The following RAD51B variants were observed in gnomAD, a reference collection of about 807,000 sequenced individuals.
The protein encoded by RAD51B is RAD51 paralog B, also known as DNA repair protein RAD51 homolog 2.
RAD51B carries 38 observed loss-of-function variants against 42.2 expected under a neutral mutation model. That is an observed-to-expected ratio of 0.90 (90% CI 0.70 to 1.18). The LOEUF (loss-of-function observed/expected upper bound fraction) is 1.18, where lower values mean the gene tolerates loss of function less well. RAD51B is among the 50% of genes most tolerant of loss of function. RAD51B has a pLI of 0.00. For missense variants in RAD51B, 373 were observed against 400.7 expected, an observed-to-expected ratio of 0.93 and a Z score of 0.59; for synonymous variants, 154 against 145.2, an observed-to-expected ratio of 1.06 and a Z score of -0.43.
intron 10 of RAD51B, among the ~76,000 whole-genome samples, chr14:68,551,845 C>A (rs1888590239): frequency 1.3e-5 from 2 of 152,212 alleles, no homozygotes; most frequent in African/African-American, 4.8e-5. Flanking sequence ...TTTTATGGAA[C>A]TTGCCAAGAG....
chr14:68,201,155 A>G (rs1057375180), intron 7 of RAD51B, among the ~76,000 whole-genome samples: 1 of 152,206 alleles, frequency 6.6e-6, no homozygotes, highest in Non-Finnish European at 1.5e-5. Flanking sequence ...ATTATTTAAG[A>G]GAAAATTTTT....
intron 10 of RAD51B, among the ~76,000 whole-genome samples, chr14:68,547,000 G>A (rs560948191): frequency 1.2e-3 from 187 of 152,338 alleles, no homozygotes; most frequent in Non-Finnish European, 2.3e-3. Context: ...GTGCTGAATG[G>A]TCTGCCTATT....
chr14:68,636,386 C>T (rs1181298771), intron 10 of RAD51B, among the ~76,000 whole-genome samples: 1 of 152,026 alleles, frequency 6.6e-6, no homozygotes, highest in African/African-American at 2.4e-5. Context: ...AGTTCGAGAC[C>T]AGCCTGGCCA....
chr14:68,095,559 A>T (rs1566641162), intron 7 of RAD51B, among the ~76,000 whole-genome samples: 1 of 151,986 alleles, frequency 6.6e-6, no homozygotes, highest in Non-Finnish European at 1.5e-5. Context: ...TTTTCTGATT[A>T]GTTCCCTTGG....
exon 11 of RAD51B, chr14:68,595,488 A>T (rs900280694): frequency 2.8e-6 from 3 of 1,066,620 alleles, no homozygotes; most frequent in Admixed American, 5.3e-5. Context: ...GCTTGAGTAG[A>T]TTAAATTTGT....
chr14:68,240,565 A>T (rs1017868302), intron 7 of RAD51B, among the ~76,000 whole-genome samples: 1 of 152,202 alleles, frequency 6.6e-6, no homozygotes, highest in Non-Finnish European at 1.5e-5. Context: ...GAGTAAGATA[A>T]AGCGTCCAGA....
At chr14:68,375,939 A>T (rs1321178169) in intron 8 of RAD51B, among the ~76,000 whole-genome samples, 2 of 151,988 alleles carry the variant, frequency 1.3e-5, no homozygotes, top group Non-Finnish European at 2.9e-5. Context: ...AGGCTTCTGG[A>T]ATATTGATAA....
intron 7 of RAD51B, among the ~76,000 whole-genome samples, chr14:68,272,427 C>A (rs1290786875): frequency 6.6e-6 from 1 of 151,488 alleles, no homozygotes; most frequent in Non-Finnish European, 1.5e-5. Context: ...CCAAATTATT[C>A]AATGTTGCCA....
chr14:68,434,076 A>G (rs2085084145), intron 9 of RAD51B, among the ~76,000 whole-genome samples: 1 of 152,148 alleles, frequency 6.6e-6, no homozygotes, highest in Non-Finnish European at 1.5e-5. Flanking sequence ...TAAACAGCAA[A>G]TGTTGCTGCC....
intron 10 of RAD51B, among the ~76,000 whole-genome samples, chr14:68,574,876 A>G (rs1889891273): frequency 6.6e-6 from 1 of 152,320 alleles, no homozygotes; most frequent in African/African-American, 2.4e-5. Flanking sequence ...TTTGGTCTCC[A>G]GTAGCTATGA....
chr14:67,909,460 A>G (rs2043891388), intron 7 of RAD51B, among the ~76,000 whole-genome samples: 1 of 152,220 alleles, frequency 6.6e-6, no homozygotes, highest in Admixed American at 6.5e-5. Flanking sequence ...TTAAAAATGA[A>G]TCTTTCCTGT....
At chr14:68,659,138 A>C (rs1007086712) in intron 11 of RAD51B, among the ~76,000 whole-genome samples, 2 of 152,210 alleles carry the variant, frequency 1.3e-5, no homozygotes, top group Non-Finnish European at 2.9e-5. Flanking sequence ...AAGCATGCTA[A>C]TCTGCACCCC....
intron 10 of RAD51B, chr14:68,540,109 GCCCATGCTCAGC>G (rs939509758): frequency 8.3e-5 from 71 of 853,364 alleles, no homozygotes; most frequent in Middle Eastern, 5.6e-4. Flanking sequence ...GGACAGAGCT[GCCCATGCTCAGC>G]CCCTTCCAAA....
intron 7 of RAD51B, among the ~76,000 whole-genome samples, chr14:68,039,183 A>G (rs1020828952): frequency 3.9e-5 from 6 of 152,106 alleles, no homozygotes; most frequent in Middle Eastern, 3.2e-3. Context: ...TAATCCCAGC[A>G]CTTTGGGAGG....
At chr14:68,514,223 C>G (rs1162458561) in intron 10 of RAD51B, among the ~76,000 whole-genome samples, 3 of 152,024 alleles carry the variant, frequency 2.0e-5, no homozygotes, top group Non-Finnish European at 4.4e-5. Context: ...TTTCTTAGTT[C>G]TCTCTGGACC....
chr14:68,612,925 GCTGGGAAAAGATAGGTGA>G (rs1015012990), downstream of RAD51B, among the ~76,000 whole-genome samples: 1 of 152,116 alleles, frequency 6.6e-6, no homozygotes, highest in African/African-American at 2.4e-5. Flanking sequence ...TCAGAGCACT[GCTGGGAAAAGATAGGTGA>G]CTCTTTATCT....
At chr14:68,429,203 T>C (rs944239532) in intron 9 of RAD51B, among the ~76,000 whole-genome samples, 4 of 152,164 alleles carry the variant, frequency 2.6e-5, no homozygotes, top group African/African-American at 9.7e-5. Flanking sequence ...TGTATAGTGC[T>C]GCAATAAACA....
intron 9 of RAD51B, among the ~76,000 whole-genome samples, chr14:68,416,474 A>G (rs185342220): frequency 6.6e-6 from 1 of 152,332 alleles, no homozygotes; most frequent in Admixed American, 6.5e-5. Context: ...AGATACATTT[A>G]TTTTGAAAGA....
intron 7 of RAD51B, among the ~76,000 whole-genome samples, chr14:68,055,202 G>T (rs2140427691): frequency 1.3e-5 from 2 of 152,246 alleles, no homozygotes; most frequent in Middle Eastern, 3.4e-3. Context: ...TGGTCTAGGT[G>T]ATCTGTAATG....
Sources: allele counts gnomAD v4.1 joint callset (sites outside exome capture counted in the v4.1 genomes callset), GRCh38; gene constraint gnomAD v4.1.1; transcripts MANE v1.5; gene names NCBI Gene and HGNC (gene_info 2026-07-23, HGNC 2026-07-21).